Variants in DIP2C observed in about 807,000 individuals in gnomAD.
DIP2C encodes DIP2 acetate--CoA ligase C (putative).
Under a neutral mutation model 192.4 loss-of-function variants are expected in DIP2C, and 33 were observed. The ratio of observed to expected loss-of-function variants is 0.17; its 90% confidence interval spans 0.13 to 0.23. The LOEUF is 0.23. DIP2C is among the 10% of genes least tolerant of loss of function. DIP2C has a pLI of 1.00. For synonymous variants in DIP2C, 979 were observed against 864.1 expected (o/e 1.13, Z -2.33); for missense variants, 1,537 against 2,110.1 (o/e 0.73, Z 5.32).
intron 1 of DIP2C, among the ~76,000 whole-genome samples, chr10:677,455 C>G (rs1830915379): frequency 2.0e-5 from 3 of 152,170 alleles, no homozygotes; most frequent in Admixed American, 2.0e-4. Context: ...TCTGAGTATC[C>G]ATTATATTCT....
intron 1 of DIP2C, chr10:649,923 C>T (rs1855746248): frequency 8.5e-6 from 5 of 585,300 alleles, no homozygotes; most frequent in African/African-American, 3.7e-5. Context: ...CGTCCCCGTG[C>T]GTCACGGCGT....
chr10:668,259 A>G (rs111164634), intron 1 of DIP2C: 12,080 of 152,322 alleles, frequency 0.079, 799 homozygotes, highest in African/African-American at 0.18. Flanking sequence ...ATATGCACGT[A>G]CAACACACTC....
intron 3 of DIP2C, among the ~76,000 whole-genome samples, chr10:464,451 T>C (rs1970047842): frequency 6.6e-6 from 1 of 151,334 alleles, no homozygotes; most frequent in African/African-American, 2.4e-5. Flanking sequence ...TGAGATACCA[T>C]TCCACGCCAG....
At chr10:278,870 G>C (rs545533481) in intron 36 of DIP2C, among the ~76,000 whole-genome samples, 2 of 152,134 alleles carry the variant, frequency 1.3e-5, no homozygotes, top group Admixed American at 6.5e-5. Flanking sequence ...TGGCTGAGGA[G>C]GCCAGAAGGT....
chr10:378,646 GAC>G (rs10578590), intron 17 of DIP2C, among the ~76,000 whole-genome samples: 52,060 of 150,176 alleles, frequency 0.35, 9,041 homozygotes, highest in East Asian at 0.46. Context: ...CATGCATAAA[GAC>G]ACACATGAAC....
intron 32 of DIP2C, 53 bp downstream of exon 32, chr10:309,978 G>A (rs753609319): frequency 4.8e-5 from 75 of 1,570,240 alleles, no homozygotes; most frequent in Non-Finnish European, 5.5e-5. Context: ...ATGCAAGGCC[G>A]CAGAACAAAA....
At chr10:625,940 T>C (rs991219836) in intron 1 of DIP2C, among the ~76,000 whole-genome samples, 3 of 152,222 alleles carry the variant, frequency 2.0e-5, no homozygotes, top group African/African-American at 7.2e-5. Flanking sequence ...CACCAAATGT[T>C]GTGTCAAAAG....
chr10:371,347 G>A (rs1960931839), intron 17 of DIP2C, among the ~76,000 whole-genome samples: 1 of 152,170 alleles, frequency 6.6e-6, no homozygotes, highest in African/African-American at 2.4e-5. Context: ...GGGCTGTTCA[G>A]ACACAGATGC....
intron 4 of DIP2C, among the ~76,000 whole-genome samples, chr10:423,833 G>A (rs923945221): frequency 2.0e-5 from 3 of 152,122 alleles, no homozygotes; most frequent in African/African-American, 4.8e-5. Context: ...CCACCTCCCC[G>A]TTTTCCTCCG....
intron 1 of DIP2C, among the ~76,000 whole-genome samples, chr10:688,364 C>T (rs1029739371): frequency 1.3e-5 from 2 of 152,196 alleles, no homozygotes. Flanking sequence ...TGGCTGCACA[C>T]CATGGCCCCT....
In DIP2C at chr10:356,423, C is replaced by T. The variant is rs755825378; in HGVS notation, c.2985+3G>A. On this transcript the variant is annotated splice_donor_region_variant and intron_variant, in intron 24 of 36. Coordinates refer to ENST00000280886, the MANE Select transcript of DIP2C (RefSeq NM_014974.3). ...GCCAGGGAAGGCCAGCTCCGCGCCT[C>T]ACCCGACAGTTGAGCAGCGTGTAGA... 16 of 1,611,036 alleles carry T rather than the reference C, an allele frequency of 9.9e-6. No homozygotes were observed. Among genetic ancestry groups the T allele is most frequent in the Middle Eastern group, 3.3e-4 (2 of 6,060 alleles).
chr10:324,999 C>T (rs779088927), intron 31 of DIP2C: 3 of 526,944 alleles, frequency 5.7e-6, no homozygotes, highest in Admixed American at 2.0e-5. Flanking sequence ...GGCGTGGTGG[C>T]TCATGCCTGT....
chr10:366,419 C>T lies in DIP2C; in HGVS notation c.2132-8G>A. ...TCACTGAACACATGATGGCTAAAAGCAAACAGGAAAGCACATGCAGTGTGA... is the reference window on the plus strand; with the variant it reads ...TCACTGAACACATGATGGCTAAAAGTAAACAGGAAAGCACATGCAGTGTGA... On this transcript the variant is annotated splice_polypyrimidine_tract_variant and splice_region_variant and intron_variant, in intron 18 of 36. Transcript: ENST00000280886. 1.2e-6 allele frequency: 2 copies of T among 1,614,072 alleles called. No individual in the cohort carries two copies. Among genetic ancestry groups the T allele is most frequent in the Non-Finnish European group, 1.7e-6 (2 of 1,180,004 alleles).
chr10:643,528 A>C (rs1232595812), intron 1 of DIP2C, among the ~76,000 whole-genome samples: 1 of 152,140 alleles, frequency 6.6e-6, no homozygotes, highest in Non-Finnish European at 1.5e-5. Context: ...AAAAACAAAA[A>C]CAAAAAACAA....
At chr10:325,840 TA>T (rs1244534760) in intron 31 of DIP2C, among the ~76,000 whole-genome samples, 1 of 151,938 alleles carries the variant, frequency 6.6e-6, no homozygotes, top group Admixed American at 6.5e-5. Flanking sequence ...GCTATTATAA[TA>T]ATTAAAAGAG....
At chr10:396,827 G>GGA (rs971290979) in intron 10 of DIP2C, among the ~76,000 whole-genome samples, 1 of 41,454 alleles carries the variant, frequency 2.4e-5, no homozygotes, top group African/African-American at 8.0e-5. Flanking sequence ...CAAATCCGGT[G>GGA]GGGGGGGGGG....
intron 1 of DIP2C, among the ~76,000 whole-genome samples, chr10:569,682 T>C (rs949350449): frequency 1.3e-5 from 2 of 152,106 alleles, no homozygotes; most frequent in Non-Finnish European, 2.9e-5. Context: ...CAAAATAAAA[T>C]GGAGAGACTT....
At chr10:388,095 TG>T (rs1407143585) in intron 13 of DIP2C, among the ~76,000 whole-genome samples, 1 of 152,024 alleles carries the variant, frequency 6.6e-6, no homozygotes, top group Non-Finnish European at 1.5e-5. Flanking sequence ...TCCCCCTCTC[TG>T]CCTTTTTCTT....
At position 390,773 on chromosome 10, in the gene DIP2C, T is replaced by C; in HGVS notation, c.1351A>G (p.Lys451Glu). The change falls in exon 11 of 37, where the codon AAA (lysine) becomes GAA (glutamate). Residue 451 changes from lysine to glutamate, a missense_variant. Around this residue, in one of 4 missense-constraint regions of DIP2C, gnomAD observed 677 missense variants for 989.9 expected, o/e 0.68. Transcript: ENST00000280886. ...TGTGGGATCTCTCCCGTTGGGCTTT[T>C]TGGAAGTCCTTTATGGCAGGCGTCA... ...TSDACHKGLP[K>E]SPTGEIPQFK... 6.2e-7 allele frequency: 1 copy of C among 1,614,128 alleles called. No individual in the cohort carries two copies. The highest frequency in any genetic ancestry group is 1.1e-5 in the South Asian group (1 of 91,076).
Sources: gnomAD v4.1 joint callset for allele counts (sites outside exome capture counted in the v4.1 genomes callset) on GRCh38, gnomAD v4.1.1 for gene constraint, gnomAD v4.1.1 regional missense constraint, MANE v1.5 for transcripts, NCBI Gene and HGNC (gene_info 2026-07-23, HGNC 2026-07-21) for gene names.